The following NLRP3 variants were observed in gnomAD, a reference collection of about 807,000 sequenced individuals.
NLRP3 encodes the protein NLR family pyrin domain containing 3.
In NLRP3, 48 loss-of-function variants were observed where a neutral mutation model predicts 91.3. The ratio of observed to expected loss-of-function variants is 0.53; its 90% CI spans 0.42 to 0.67. The LOEUF is 0.67. Among genes scored for constraint, NLRP3 ranks in the 30% least tolerant of loss-of-function variants. NLRP3 has a pLI of 0.00. For missense variants in NLRP3, 982 were observed against 1,276.9 expected (o/e 0.77, Z 3.52); for synonymous variants, 561 against 507.9 (o/e 1.10, Z -1.41).
Position 247,427,260 on chromosome 1 carries a change from C to G in NLRP3, c.2150+1661C>G, listed in dbSNP as rs574840936. On this transcript the variant is annotated intron_variant, in intron 4 of 9. Transcript: ENST00000336119. Reference sequence around the variant, plus strand: ...CATAACTTAACCACACCTCAAAGGCCCCATCGCCTGATACGTCATGTTGAG... The same window carrying G: ...CATAACTTAACCACACCTCAAAGGCGCCATCGCCTGATACGTCATGTTGAG... Among the ~76,000 whole-genome samples the G allele has an allele frequency of 3.9e-5, 6 of 152,298 alleles. No homozygotes were observed. The South Asian group carries it at 1.2e-3, about 32-fold the overall frequency.
rs2103112484 is a variant in NLRP3, at chr1:247,425,195, A to G, written c.1746A>G (p.Val582=). ...IFVVRFLFGL[V]NQERTSYLEK... ...TTGTACGTTTCCTCTTTGGCCTGGT[A>G]AACCAGGAGAGGACCTCCTACTTGG... The change falls in exon 4 of 10, where the codon GTA becomes GTG. Residue 582 remains valine (V), a synonymous_variant. Transcript: ENST00000336119. This position sits in a 1 kb window ranked among gnomAD's most constrained non-coding sequence, Gnocchi z 4.1. 6.2e-7 allele frequency: 1 copy of G among 1,614,188 alleles called. No homozygotes were observed. The highest frequency in any genetic ancestry group is 8.5e-7 in the Non-Finnish European group (1 of 1,180,036).
At chr1:247,441,130 TCTTTCTTTCTTTCTTTCTC>T (rs1558207093) in intron 7 of NLRP3, among the ~76,000 whole-genome samples, 2 of 21,834 alleles carry the variant, frequency 9.2e-5, no homozygotes, top group Admixed American at 7.7e-4. Context: ...TTTCTTTTTC[TCTTTCTTTCTTTCTTTCTC>T]TCTCTCTCTC....
In NLRP3 at chr1:247,434,201, C is replaced by A. The variant is rs143438018; in HGVS notation, c.2420C>A (p.Ala807Asp). ...GTGGAGCTGGACCTGAGTGACAACG[C>A]CCTCGGTGACTTCGGAATCAGACTT... ...KLVELDLSDNALGDFGIRLLC... is the reference protein window; with the variant it reads ...KLVELDLSDNDLGDFGIRLLC... The change falls in exon 6 of 10, where the codon GCC (alanine) becomes GAC (aspartate). Residue 807 changes from alanine to aspartate, a missense_variant. Transcript: ENST00000336119. 1.2e-6 allele frequency: 2 copies of A among 1,614,118 alleles called. No homozygotes were observed. Among genetic ancestry groups the A allele is most frequent in the Non-Finnish European group, 1.7e-6 (2 of 1,180,038 alleles).
chr1:247,425,403 G>A lies in NLRP3; in HGVS notation c.1954G>A (p.Glu652Lys), dbSNP rs768966147. The change falls in exon 4 of 10, where the codon GAG becomes AAG. Residue 652 changes from glutamate to lysine, a missense_variant. Physicochemically the swap from Glu to Lys is moderately conservative, Grantham distance 56. Around this residue, in one of 5 missense-constraint regions of NLRP3, gnomAD observed 373 missense variants for 431.5 expected, o/e 0.86. Coordinates refer to ENST00000336119, the MANE Select transcript of NLRP3 (RefSeq NM_001243133.2). This position sits in a 1 kb window ranked among gnomAD's most constrained non-coding sequence, Gnocchi z 4.1. ...QRAMDYFPKI[E>K]INLSTRMDHM... ...GGCCATGGACTATTTCCCCAAGATT[G>A]AGATCAATCTCTCCACCAGAATGGA... 1 of 1,614,206 alleles carries A rather than the reference G, an allele frequency of 6.2e-7. No homozygotes were observed. Among genetic ancestry groups the A allele is most frequent in the South Asian group, 1.1e-5 (1 of 91,086 alleles).
intron 5 of NLRP3, among the ~76,000 whole-genome samples, chr1:247,430,233 A>G (rs1413496100): frequency 6.6e-6 from 1 of 152,108 alleles, no homozygotes; most frequent in Non-Finnish European, 1.5e-5. Context: ...CAACAACAAA[A>G]ATTCATTTTC....
chr1:247,437,511 G>T lies in NLRP3; in HGVS notation c.2663+1371G>T, dbSNP rs114917495. 4.8e-3 allele frequency among the ~76,000 whole-genome samples: 729 copies of T among 152,224 alleles called. 6 individuals are homozygous for T. Among genetic ancestry groups the T allele is most frequent in the Non-Finnish European group, 7.4e-3 (502 of 68,022 alleles). Reference sequence around the variant, plus strand: ...CAGTGCCTTCATTTCCTCGCCTTAGGGTATTACCCTTCCTTAGCAAATCGC... The same window carrying T: ...CAGTGCCTTCATTTCCTCGCCTTAGTGTATTACCCTTCCTTAGCAAATCGC... On this transcript the variant is annotated intron_variant, in intron 7 of 9. Coordinates refer to ENST00000336119, the MANE Select transcript of NLRP3 (RefSeq NM_001243133.2).
chr1:247,444,739 G>C lies in NLRP3; in HGVS notation c.2923G>C (p.Gly975Arg). The C allele has an allele frequency of 6.2e-7, 1 of 1,614,110 alleles. No homozygotes were observed. Among genetic ancestry groups the C allele is most frequent in the Non-Finnish European group, 8.5e-7 (1 of 1,180,022 alleles). Residue 975 changes from glycine to arginine, a missense_variant, in exon 9 of 10, where the codon GGC becomes CGC. Transcript: ENST00000336119. ...SSQSLRKLSLGNNDLGDLGVM... is the reference protein window; with the variant it reads ...SSQSLRKLSLRNNDLGDLGVM... The stretch of plus-strand genomic sequence containing the variant: ...CCAGAGCCTGCGAAAGCTGAGCCTG[G>C]GCAACAATGACCTGGGCGACCTGGG...
chr1:247,427,284 A>G (rs563622560), intron 4 of NLRP3, among the ~76,000 whole-genome samples: 1 of 152,272 alleles, frequency 6.6e-6, no homozygotes, highest in South Asian at 2.1e-4. Flanking sequence ...CGTCATGTTG[A>G]GGGTTAGGAT....
chr1:247,423,201 G>T, intron 2 of NLRP3, 29 bp from the exon 3 acceptor site: 1 of 1,613,698 alleles, frequency 6.2e-7, no homozygotes, highest in East Asian at 2.2e-5. Flanking sequence ...AATAGTTCTG[G>T]GTTTTGACAC....
chr1:247,423,424 G>T (rs1424239720), intron 3 of NLRP3, 75 bp downstream of exon 3: 1 of 1,583,896 alleles, frequency 6.3e-7, no homozygotes, highest in Non-Finnish European at 8.7e-7. Flanking sequence ...TGAGCAGCTG[G>T]GTAACTTGGC....
At chr1:247,438,967 T>C (rs1664002337) in intron 7 of NLRP3, among the ~76,000 whole-genome samples, 1 of 151,968 alleles carries the variant, frequency 6.6e-6, no homozygotes, top group African/African-American at 2.4e-5. Context: ...TCCATTCATC[T>C]GTCCATCCAT....
chr1:247,431,448 A>G (rs1663316834), intron 5 of NLRP3, among the ~76,000 whole-genome samples: 1 of 151,748 alleles, frequency 6.6e-6, no homozygotes, highest in African/African-American at 2.4e-5. Flanking sequence ...TTTTCCTCCT[A>G]CCCGAGCTGT....
rs747399041 is a variant in NLRP3, at chr1:247,434,806, G to T, written c.2492+533G>T. Among the ~76,000 whole-genome samples the T allele has an allele frequency of 3.3e-5, 5 of 152,314 alleles. No homozygotes were observed. The South Asian group carries it at 6.2e-4, about 19-fold the overall frequency. On this transcript the variant is annotated intron_variant, in intron 6 of 9. Transcript: ENST00000336119. ...TAGAAAACAACAAGTATTGGTGTGG[G>T]TGCGGAGAAATGGAAGCCATTGTGT... is the stretch of plus-strand genomic sequence containing the variant.
At position 247,419,007 on chromosome 1, in the gene NLRP3, C is replaced by T. The variant is rs200082602; in HGVS notation, c.207C>T (p.Ala69=). The T allele has an allele frequency of 7.5e-4, 1,210 of 1,613,838 alleles. 10 individuals carry two copies. The South Asian group carries it at 0.012, about 15-fold the overall frequency. ...GGGAGGAGAAGGCGTGGGCCATGGC[C>T]GTGTGGATCTTCGCTGCGATCAACA... The part of the protein sequence containing the change: ...FNGEEKAWAM[A]VWIFAAINRR... Residue 69 remains alanine, a synonymous_variant, in exon 2 of 10, where the codon GCC becomes GCT. Coordinates refer to ENST00000336119, the MANE Select transcript of NLRP3 (RefSeq NM_001243133.2).
In NLRP3 at chr1:247,443,922, T is replaced by C. The variant is rs774775443; in HGVS notation, c.2664-50T>C. 3.1e-6 allele frequency: 5 copies of C among 1,589,384 alleles called. No individual in the cohort carries two copies. In the East Asian group the frequency reaches 8.9e-5, roughly 28 times the overall value. On this transcript the variant is annotated intron_variant, in intron 7 of 9. Transcript: ENST00000336119. ...GCACTGAGTCAAAGCAGCTGCACAA[T>C]GTTGGGGAACAGCTGGGTACTGAGG... is the stretch of plus-strand genomic sequence containing the variant.
At chr1:247,423,610 G>A (rs182904862) in intron 3 of NLRP3, among the ~76,000 whole-genome samples, 45 of 152,194 alleles carry the variant, frequency 3.0e-4, no homozygotes, top group African/African-American at 9.2e-4. Flanking sequence ...GAATAAGATT[G>A]ATTCAAATGA....
At chr1:247,434,383 C>A in intron 6 of NLRP3, 110 bp downstream of exon 6, 1 of 1,122,910 alleles carries the variant, frequency 8.9e-7, no homozygotes, top group Non-Finnish European at 1.4e-6. Flanking sequence ...GCCTTGGCGG[C>A]TCGGGTGACT....
Position 247,418,319 on chromosome 1 carries a change from TG to T in NLRP3, c.-481del. 5.1e-6 allele frequency: 1 copy of T among 196,474 alleles called. No individual in the cohort carries two copies. The allele number at this position is 196,474 out of a possible 1,614,324, so 12.2% of individuals were successfully genotyped here. A position where few individuals can be genotyped will look rare whatever the true frequency, so the allele number is the denominator to read the frequency against. Reference sequence around the variant, plus strand: ...AGCATTTGGCTAACTTTTTTTTTTTTGAGATGGAGTCTTGCTGTGTCGCCTA... The same window carrying T: ...AGCATTTGGCTAACTTTTTTTTTTTTAGATGGAGTCTTGCTGTGTCGCCTA... On this transcript the variant is annotated 5_prime_UTR_variant, in exon 2 of 10. An upstream open reading frame in the 5' UTR loses its in-frame stop. Transcript: ENST00000336119.
At chr1:247,445,326 A>G (rs57689759) in intron 9 of NLRP3, among the ~76,000 whole-genome samples, 27,490 of 151,156 alleles carry the variant, frequency 0.18, 2,907 homozygotes, top group African/African-American at 0.3. Context: ...TCGGCCTCCC[A>G]AGTAGCTGGG....
Sources: gnomAD v4.1 joint callset for allele counts (sites outside exome capture counted in the v4.1 genomes callset) on GRCh38, gnomAD v4.1.1 for gene constraint, gnomAD v4.1.1 regional missense constraint, Gnocchi (gnomAD v3.1) non-coding constraint, MANE v1.5 for transcripts, NCBI Gene and HGNC (gene_info 2026-07-23, HGNC 2026-07-21) for gene names.